SAMD4A: variants seen among roughly 807,000 people sequenced by gnomAD.
SAMD4A encodes protein Smaug homolog 1.
SAMD4A carries 33 observed loss-of-function variants against 81.3 expected under a neutral mutation model. The observed-to-expected ratio is 0.41, with a 90% CI of 0.31 to 0.54. The LOEUF is 0.54. Among genes scored for constraint, SAMD4A ranks in the 20% least tolerant of loss-of-function variants. SAMD4A has a pLI of 0.37. For missense variants in SAMD4A, 854 were observed against 951.1 expected (o/e 0.90, Z 1.34); for synonymous variants, 389 against 382.1 (o/e 1.02, Z -0.21).
At chr14:54,598,132 G>C (rs778946687) in intron 2 of SAMD4A, among the ~76,000 whole-genome samples, 37 of 152,276 alleles carry the variant, frequency 2.4e-4, no homozygotes, top group African/African-American at 8.7e-4. Flanking sequence ...GTTTTACATA[G>C]ATAAATAATG....
intron 2 of SAMD4A, among the ~76,000 whole-genome samples, chr14:54,592,181 C>G (rs1427179008): frequency 6.6e-6 from 1 of 152,118 alleles, no homozygotes; most frequent in Non-Finnish European, 1.5e-5. Context: ...ACTACCCTAG[C>G]AATTGTAAGA....
At chr14:54,711,176 T>C (rs2036981345) in intron 3 of SAMD4A, among the ~76,000 whole-genome samples, 1 of 152,164 alleles carries the variant, frequency 6.6e-6, no homozygotes, top group African/African-American at 2.4e-5. Flanking sequence ...AACAAGAAAA[T>C]GTCCCTAGGA....
At chr14:54,652,894 C>G in intron 2 of SAMD4A, 1 of 152,104 alleles carries the variant, frequency 6.6e-6, no homozygotes, top group Non-Finnish European at 1.5e-5. Flanking sequence ...TATTTCTATT[C>G]GAAATGAGAA....
chr14:54,789,055 T>C lies in SAMD4A; in HGVS notation c.*111T>C, dbSNP rs2039213242. On this transcript the variant is annotated 3_prime_UTR_variant, in exon 13 of 13. Coordinates refer to ENST00000554335, the MANE Select transcript of SAMD4A (RefSeq NM_015589.6). ...CTCCAAGATACTTTGCAGCCTTTTT[T>C]CCCCCTGGTCCCTCTCCCGTTTTGA... The C allele has an allele frequency of 2.5e-6, 3 of 1,184,316 alleles. No individual in the cohort carries two copies. The highest frequency in any genetic ancestry group is 3.8e-6 in the Non-Finnish European group (3 of 796,228). 73.4% of individuals were successfully genotyped at this position (1,184,316 alleles called of 1,614,324 possible).
chr14:54,731,076 G>C (rs565689949), intron 3 of SAMD4A, among the ~76,000 whole-genome samples: 87 of 152,156 alleles, frequency 5.7e-4, no homozygotes, highest in Non-Finnish European at 1.1e-3. Context: ...TGGTGTTATC[G>C]AAAAAATTTG....
At chr14:54,582,463 A>G (rs2033495405) in intron 2 of SAMD4A, among the ~76,000 whole-genome samples, 1 of 152,178 alleles carries the variant, frequency 6.6e-6, no homozygotes, top group South Asian at 2.1e-4. Flanking sequence ...ACAAAGAAGA[A>G]GATGCCTCGT....
intron 2 of SAMD4A, among the ~76,000 whole-genome samples, chr14:54,675,367 C>CAAGAAAAAAAAA (rs2035969751): frequency 1.3e-5 from 1 of 75,390 alleles, no homozygotes; most frequent in South Asian, 6.0e-4. Flanking sequence ...ACTCCGTCTC[C>CAAGAAAAAAAAA]AAAAAAAAAA....
chr14:54,603,928 G>A (rs1353221595), intron 2 of SAMD4A, among the ~76,000 whole-genome samples: 7 of 152,050 alleles, frequency 4.6e-5, no homozygotes, highest in Non-Finnish European at 8.8e-5. Flanking sequence ...GGGTTCAAGC[G>A]ATTTTCCTGC....
intron 2 of SAMD4A, among the ~76,000 whole-genome samples, chr14:54,619,606 G>A (rs2034568113): frequency 6.6e-6 from 1 of 151,970 alleles, no homozygotes. Context: ...TGTTATATAG[G>A]CCTTGTGCCC....
intron 2 of SAMD4A, among the ~76,000 whole-genome samples, chr14:54,625,039 A>G (rs1340616194): frequency 6.6e-6 from 1 of 152,124 alleles, no homozygotes; most frequent in African/African-American, 2.4e-5. Context: ...GCTTTCTTTA[A>G]CACTGTGCTA....
intron 12 of SAMD4A, among the ~76,000 whole-genome samples, chr14:54,785,629 C>T (rs986028606): frequency 2.0e-5 from 3 of 152,242 alleles, no homozygotes; most frequent in South Asian, 4.1e-4. Flanking sequence ...AGAGCCAAGA[C>T]GTGCGCCACC....
intron 2 of SAMD4A, among the ~76,000 whole-genome samples, chr14:54,642,081 A>T (rs1566562687): frequency 6.6e-6 from 1 of 152,326 alleles, no homozygotes; most frequent in East Asian, 1.9e-4. Flanking sequence ...TACAGGCGTG[A>T]GCCACTACAC....
At position 54,718,415 on chromosome 14, in the gene SAMD4A, G is replaced by A. The variant is rs117906546; in HGVS notation, c.715+15835G>A. Reference sequence around the variant, plus strand: ...TAACCAGGGCTTTGTGTTTTTGGCTGCCCCAGCAATGGCTTAGGAGCAAGA... The same window carrying A: ...TAACCAGGGCTTTGTGTTTTTGGCTACCCCAGCAATGGCTTAGGAGCAAGA... On this transcript the variant is annotated intron_variant, in intron 3 of 12. Coordinates refer to ENST00000554335, the MANE Select transcript of SAMD4A (RefSeq NM_015589.6). Among the ~76,000 whole-genome samples, 1,161 of 152,300 alleles carry A rather than the reference G, an allele frequency of 7.6e-3. 7 individuals are homozygous for A. The highest frequency in any genetic ancestry group is 0.013 in the Non-Finnish European group (902 of 68,010).
intron 3 of SAMD4A, among the ~76,000 whole-genome samples, chr14:54,724,384 C>A (rs2037359933): frequency 6.6e-6 from 1 of 152,134 alleles, no homozygotes; most frequent in African/African-American, 2.4e-5. Context: ...AGCTTGCTAT[C>A]TGTGAAATGG....
At chr14:54,614,607 G>C (rs73271512) in intron 2 of SAMD4A, among the ~76,000 whole-genome samples, 2,499 of 152,234 alleles carry the variant, frequency 0.016, 60 homozygotes, top group African/African-American at 0.056. Context: ...CTATAAACGT[G>C]AGAAACATTT....
intron 3 of SAMD4A, among the ~76,000 whole-genome samples, chr14:54,734,358 C>T (rs765510835): frequency 3.9e-5 from 6 of 152,324 alleles, no homozygotes; most frequent in East Asian, 1.9e-4. Flanking sequence ...TTGGCTCCTA[C>T]GGAGATATTC....
intron 8 of SAMD4A, among the ~76,000 whole-genome samples, chr14:54,769,872 G>T (rs1047322760): frequency 6.6e-6 from 1 of 152,164 alleles, no homozygotes; most frequent in East Asian, 1.9e-4. Flanking sequence ...CAAAAATGAG[G>T]GTTGTCAACA....
At chr14:54,633,763 A>G (rs1262599385) in intron 2 of SAMD4A, among the ~76,000 whole-genome samples, 5 of 152,138 alleles carry the variant, frequency 3.3e-5, no homozygotes, top group African/African-American at 9.7e-5. Context: ...CTGCTTTACT[A>G]TCCTTTATAA....
intron 3 of SAMD4A, among the ~76,000 whole-genome samples, chr14:54,704,514 G>A (rs1486167288): frequency 6.6e-6 from 1 of 152,196 alleles, no homozygotes; most frequent in Non-Finnish European, 1.5e-5. Flanking sequence ...TTATCAGGTT[G>A]TAGTCATCAA....
Sources: allele counts gnomAD v4.1 joint callset (sites outside exome capture counted in the v4.1 genomes callset), GRCh38; gene constraint gnomAD v4.1.1; transcripts MANE v1.5; gene names NCBI Gene and HGNC (gene_info 2026-07-23, HGNC 2026-07-21).